The following MCF2 variants were observed in gnomAD, a reference collection of about 807,000 sequenced individuals.
The protein encoded by MCF2 is proto-oncogene DBL.
MCF2 carries 44 observed loss-of-function variants against 82.5 expected under a neutral mutation model. That is an observed-to-expected ratio of 0.53 (90% CI 0.42 to 0.69). The LOEUF (loss-of-function observed/expected upper bound fraction) is 0.69. Among genes scored for constraint, MCF2 ranks in the 30% least tolerant of loss-of-function variants. The pLI is 0.00. For synonymous variants in MCF2, 217 were observed against 224.9 expected, an observed-to-expected ratio of 0.96 and a Z score of 0.32; for missense variants, 623 against 663.1, an observed-to-expected ratio of 0.94 and a Z score of 0.66.
At chrX:139,606,803 CT>C (rs991726451) in intron 12 of MCF2, among the ~76,000 whole-genome samples, 3 of 110,771 alleles carry the variant, frequency 2.7e-5, no homozygotes, top group Non-Finnish European at 5.7e-5. Context: ...ATACTTTTGG[CT>C]TTTTTTCTTT....
chrX:139,677,947 G>A (rs1934911196), intron 1 of MCF2, among the ~76,000 whole-genome samples: 1 of 111,718 alleles, frequency 9.0e-6, no homozygotes, highest in Admixed American at 9.5e-5. Context: ...CAGATCACTT[G>A]AGGTCAGGAG....
At chrX:139,591,747 G>A (rs1040926517) in intron 19 of MCF2, among the ~76,000 whole-genome samples, 2 of 110,212 alleles carry the variant, frequency 1.8e-5, no homozygotes, top group African/African-American at 3.3e-5. Context: ...GAGGAGGGAC[G>A]GAGGGAGAGG....
At chrX:139,587,596 T>G in intron 22 of MCF2, 120 bp downstream of exon 26, 44 of 489,789 alleles carry the variant, frequency 9.0e-5, no homozygotes, top group Non-Finnish European at 1.5e-4. Flanking sequence ...TGGAATTTGA[T>G]GAGTTATTGC....
At chrX:139,682,522 T>C (rs989097503) in intron 1 of MCF2, among the ~76,000 whole-genome samples, 4 of 112,600 alleles carry the variant, frequency 3.6e-5, no homozygotes, top group Non-Finnish European at 7.5e-5. Context: ...GTAAATATTT[T>C]TCCTGCTTAA....
At chrX:139,626,064 T>G in intron 6 of MCF2, 129 bp downstream of exon 9, 1 of 368,153 alleles carries the variant, frequency 2.7e-6, no homozygotes, top group Admixed American at 5.1e-5. Context: ...CAAGGTTCAT[T>G]TACATTTGCC....
intron 1 of MCF2, among the ~76,000 whole-genome samples, chrX:139,699,230 TA>T (rs1935438859): frequency 8.9e-6 from 1 of 112,438 alleles, no homozygotes; most frequent in Admixed American, 9.4e-5. Context: ...TTAGTGCTTT[TA>T]AAGCTTATAA....
In MCF2 at chrX:139,612,678, G is replaced by A. The variant is rs1280847261; in HGVS notation, c.1363+2203C>T. Reference sequence around the variant, plus strand: ...ATTAAAAGTCTTAAGAAATTGTTTGGAATGGATTGTTATAATCCCTATTAC... The same window carrying A: ...ATTAAAAGTCTTAAGAAATTGTTTGAAATGGATTGTTATAATCCCTATTAC... On this transcript the variant is annotated intron_variant, in intron 10 of 24. Coordinates refer to ENST00000370576, the Ensembl canonical transcript of MCF2. Among the ~76,000 whole-genome samples, 5 of 111,860 alleles carry A rather than the reference G, an allele frequency of 4.5e-5. No individual in the cohort carries two copies. In the Admixed American group the frequency reaches 4.8e-4, roughly 11 times the overall value.
intron 9 of MCF2, 112 bp from the exon 13 acceptor site, chrX:139,615,164 T>C (rs2076502): frequency 0.037 from 20,940 of 560,903 alleles, 828 homozygotes; most frequent in African/African-American, 0.19. Flanking sequence ...GTTTAAAATA[T>C]AACTACAAGA....
chrX:139,606,933 T>C (rs1235671717), intron 12 of MCF2, among the ~76,000 whole-genome samples: 1 of 110,935 alleles, frequency 9.0e-6, no homozygotes, highest in Non-Finnish European at 1.9e-5. Context: ...TGCTGCAAAA[T>C]GCTTGCTAAT....
chrX:139,601,011 T>C (rs1412003251), intron 16 of MCF2, among the ~76,000 whole-genome samples: 1 of 110,605 alleles, frequency 9.0e-6, no homozygotes, highest in East Asian at 2.8e-4. Flanking sequence ...AAAAGAAACA[T>C]TGAAAAAACA....
At chrX:139,700,306 C>G (rs889524179) in intron 1 of MCF2, among the ~76,000 whole-genome samples, 1 of 111,416 alleles carries the variant, frequency 9.0e-6, no homozygotes, top group Non-Finnish European at 1.9e-5. Context: ...GCCTACCCCT[C>G]CTGTGATAAT....
intron 6 of MCF2, among the ~76,000 whole-genome samples, chrX:139,623,742 G>C (rs1297849439): frequency 9.0e-6 from 1 of 111,693 alleles, no homozygotes; most frequent in Non-Finnish European, 1.9e-5. Context: ...AATAAAAGTT[G>C]AAAGTTTTAA....
chrX:139,646,919 AAT>A, upstream of MCF2: 1 of 915,945 alleles, frequency 1.1e-6, no homozygotes, highest in East Asian at 3.2e-5. Context: ...ACAATAGAAA[AAT>A]AATCAACTGA....
intron 1 of MCF2, among the ~76,000 whole-genome samples, chrX:139,636,368 T>C (rs1933220338): frequency 8.9e-6 from 1 of 112,085 alleles, no homozygotes; most frequent in Admixed American, 9.5e-5. Context: ...AGCACCCTAC[T>C]TTTGCCAACA....
chrX:139,646,740 G>A (rs949765187), upstream of MCF2: 4 of 611,028 alleles, frequency 6.5e-6, no homozygotes, highest in African/African-American at 4.7e-5. Context: ...ACATTCAGAT[G>A]GATATCTGAT....
At chrX:139,609,536 G>A (rs1444284529) in intron 11 of MCF2, among the ~76,000 whole-genome samples, 1 of 110,203 alleles carries the variant, frequency 9.1e-6, no homozygotes, top group Non-Finnish European at 1.9e-5. Flanking sequence ...GCAACAGAGC[G>A]AGACCCTGTC....
chrX:139,697,838 C>A (rs1446729271), intron 1 of MCF2, among the ~76,000 whole-genome samples: 1 of 112,453 alleles, frequency 8.9e-6, no homozygotes, highest in Non-Finnish European at 1.9e-5. Context: ...AAAGAAGTAG[C>A]CCCTTTAAAA....
At chrX:139,668,989 T>C (rs1263486501) in intron 1 of MCF2, among the ~76,000 whole-genome samples, 1 of 111,837 alleles carries the variant, frequency 8.9e-6, no homozygotes, top group Non-Finnish European at 1.9e-5. Flanking sequence ...TGGCAAAACC[T>C]TCTTATTTAT....
At chrX:139,686,336 T>G in intron 1 of MCF2, among the ~76,000 whole-genome samples, 1 of 111,487 alleles carries the variant, frequency 9.0e-6, no homozygotes, top group East Asian at 2.8e-4. Context: ...TTATCCCTGT[T>G]TGCAGACGAC....
Sources: allele counts gnomAD v4.1 joint callset (sites outside exome capture counted in the v4.1 genomes callset), GRCh38; gene constraint gnomAD v4.1.1; transcripts MANE v1.5; gene names NCBI Gene and HGNC (gene_info 2026-07-23, HGNC 2026-07-21).